The following SORCS2 variants were observed in gnomAD, a reference collection of about 807,000 sequenced individuals.
SORCS2 encodes VPS10 domain-containing receptor SorCS2.
A neutral mutation model predicts 141.6 loss-of-function variants in SORCS2; 100 were observed. That is an observed-to-expected ratio of 0.71 (90% confidence interval 0.60 to 0.83). The LOEUF (loss-of-function observed/expected upper bound fraction) is 0.83. SORCS2 is among the 40% of genes least tolerant of loss of function. The probability of loss-of-function intolerance (pLI) is 0.00; values close to 1 mark genes in which losing one functional copy is unlikely to be tolerated. For synonymous variants in SORCS2, 789 were observed against 676.9 expected (o/e 1.17, Z -2.57); for missense variants, 1,646 against 1,560.2 (o/e 1.05, Z -0.93).
chr4:7,332,616 C>A (rs896324842), intron 1 of SORCS2, among the ~76,000 whole-genome samples: 1 of 152,228 alleles, frequency 6.6e-6, no homozygotes. Context: ...GGGGTGCTCA[C>A]CCTGAAGGAC....
In SORCS2 at chr4:7,192,827, C is replaced by T; in HGVS notation, c.181C>T (p.His61Tyr). Residue 61 changes from histidine (H) to tyrosine (Y), a missense_variant, in exon 1 of 27, where the codon CAC (histidine) becomes TAC (tyrosine). Coordinates refer to ENST00000507866, the MANE Select transcript of SORCS2 (RefSeq NM_020777.3). The surrounding 1 kb of genome is among the most constrained non-coding windows in gnomAD (Gnocchi z 4.0). Reference sequence around the variant, plus strand: ...CCCTGAGCCCGGGCGCCTGGGTCCTCACGCCCAACTGACCCGGGTGCCGCG... The same window carrying T: ...CCCTGAGCCCGGGCGCCTGGGTCCTTACGCCCAACTGACCCGGGTGCCGCG... ...RSPEPGRLGPHAQLTRVPRSP... is the reference protein window; with the variant it reads ...RSPEPGRLGPYAQLTRVPRSP... 1.5e-5 allele frequency: 16 copies of T among 1,035,946 alleles called. No homozygotes were observed. The highest frequency in any genetic ancestry group is 8.6e-5 in the East Asian group (1 of 11,564). The allele number at this position is 1,035,946 out of a possible 1,614,324, so 64.2% of individuals were successfully genotyped here. A position where few individuals can be genotyped will look rare whatever the true frequency, so the allele number is the denominator to read the frequency against.
At chr4:7,250,843 G>A (rs773931287) in intron 1 of SORCS2, among the ~76,000 whole-genome samples, 52 of 152,274 alleles carry the variant, frequency 3.4e-4, no homozygotes, top group Non-Finnish European at 5.7e-4. Flanking sequence ...CCAGGCTTTC[G>A]CTGAAGGCGA....
intron 15 of SORCS2, 74 bp downstream of exon 15, chr4:7,712,927 G>T: frequency 6.3e-7 from 1 of 1,576,940 alleles, no homozygotes; most frequent in African/African-American, 1.3e-5. Flanking sequence ...GCCTGCCAAA[G>T]TCCTCCCCTG....
chr4:7,336,779 T>C (rs3907646), intron 1 of SORCS2, among the ~76,000 whole-genome samples: 1,080 of 42,556 alleles, frequency 0.025, 61 homozygotes, highest in South Asian at 0.03. Context: ...GCAGCTTGGG[T>C]GGCAGGCTCC....
chr4:7,420,130 C>T (rs1326296430), intron 2 of SORCS2, among the ~76,000 whole-genome samples: 1 of 152,234 alleles, frequency 6.6e-6, no homozygotes, highest in Non-Finnish European at 1.5e-5. Context: ...GGGCTGCTCC[C>T]ATCTGCAAGG....
chr4:7,429,909 G>A (rs1162155632), intron 2 of SORCS2, among the ~76,000 whole-genome samples: 1 of 152,196 alleles, frequency 6.6e-6, no homozygotes, highest in African/African-American at 2.4e-5. Flanking sequence ...CACGGTGACT[G>A]TGGGAGGTGG....
At chr4:7,381,964 C>T (rs1229195997) in intron 1 of SORCS2, 7 of 985,660 alleles carry the variant, frequency 7.1e-6, no homozygotes, top group Non-Finnish European at 7.2e-6. Flanking sequence ...CTGGGCCAGG[C>T]CTGTGGAGTC....
At chr4:7,244,384 A>T (rs1712933363) in intron 1 of SORCS2, among the ~76,000 whole-genome samples, 1 of 152,264 alleles carries the variant, frequency 6.6e-6, no homozygotes, top group Non-Finnish European at 1.5e-5. Context: ...CGCAGATGCC[A>T]GCCTGCCTGG....
intron 3 of SORCS2, among the ~76,000 whole-genome samples, chr4:7,630,660 G>A (rs189954198): frequency 3.3e-5 from 5 of 152,218 alleles, no homozygotes; most frequent in South Asian, 2.1e-4. Flanking sequence ...GGGAAGCGCC[G>A]GGTGGAAGAA....
intron 1 of SORCS2, among the ~76,000 whole-genome samples, chr4:7,275,989 G>A (rs115553947): frequency 0.014 from 2,070 of 152,280 alleles, 48 homozygotes; most frequent in African/African-American, 0.047. Flanking sequence ...AGTGTGAGAC[G>A]GTAGAGTGAA....
intron 3 of SORCS2, among the ~76,000 whole-genome samples, chr4:7,567,474 A>G (rs1319950562): frequency 6.8e-6 from 1 of 147,748 alleles, no homozygotes; most frequent in Non-Finnish European, 1.5e-5. Context: ...TGGAATTTGT[A>G]TAGTGTTTTC....
At chr4:7,391,245 C>T (rs1723841751) in intron 1 of SORCS2, among the ~76,000 whole-genome samples, 1 of 152,244 alleles carries the variant, frequency 6.6e-6, no homozygotes, top group Admixed American at 6.5e-5. Context: ...ACGCTGACGA[C>T]TTTGCTGCTG....
intron 3 of SORCS2, among the ~76,000 whole-genome samples, chr4:7,570,907 A>T (rs1715346303): frequency 6.6e-6 from 1 of 152,064 alleles, no homozygotes; most frequent in African/African-American, 2.4e-5. Flanking sequence ...AAGCTGGGGG[A>T]GGGGCCGAGT....
chr4:7,588,621 T>A (rs1178881179), intron 3 of SORCS2, among the ~76,000 whole-genome samples: 1 of 152,168 alleles, frequency 6.6e-6, no homozygotes, highest in East Asian at 1.9e-4. Flanking sequence ...TACCAGCAGA[T>A]GTGGCAACTG....
intron 1 of SORCS2, among the ~76,000 whole-genome samples, chr4:7,311,925 G>T (rs1718208980): frequency 6.6e-6 from 1 of 151,982 alleles, no homozygotes; most frequent in South Asian, 2.1e-4. Context: ...TGCCAGGCTG[G>T]AGTGGAGTGG....
intron 2 of SORCS2, among the ~76,000 whole-genome samples, chr4:7,510,901 C>T (rs189201668): frequency 6.6e-6 from 1 of 152,334 alleles, no homozygotes; most frequent in Non-Finnish European, 1.5e-5. Context: ...TTCCTCCTTT[C>T]TAACATCTGA....
At chr4:7,283,342 T>C (rs889681413) in intron 1 of SORCS2, among the ~76,000 whole-genome samples, 6 of 152,176 alleles carry the variant, frequency 3.9e-5, no homozygotes, top group African/African-American at 1.2e-4. Context: ...GGCAGTTCTT[T>C]CCTGGGCTGC....
chr4:7,712,367 C>T (rs1227622266), intron 14 of SORCS2, among the ~76,000 whole-genome samples: 1 of 152,224 alleles, frequency 6.6e-6, no homozygotes, highest in East Asian at 1.9e-4. Context: ...TTCCGCAAAA[C>T]AATGCAAGGA....
chr4:7,467,607 G>A (rs936947884), intron 2 of SORCS2, among the ~76,000 whole-genome samples: 12 of 152,184 alleles, frequency 7.9e-5, no homozygotes, highest in East Asian at 7.7e-4. Context: ...AGCTCAGCGG[G>A]GCCTGCACTA....
Sources: allele counts gnomAD v4.1 joint callset (sites outside exome capture counted in the v4.1 genomes callset), GRCh38; gene constraint gnomAD v4.1.1; non-coding constraint Gnocchi (gnomAD v3.1); transcripts MANE v1.5; gene names NCBI Gene and HGNC (gene_info 2026-07-23, HGNC 2026-07-21).